Variants in LYPD4 observed in about 807,000 individuals in gnomAD.
The protein encoded by LYPD4 is ly6/PLAUR domain-containing protein 4.
LYPD4 carries 20 observed loss-of-function variants against 18.2 expected under a neutral mutation model. The observed-to-expected ratio is 1.10, with a 90% CI of 0.77 to 1.59. LYPD4 has a LOEUF of 1.59. Among genes scored for constraint, LYPD4 ranks in the 40% most tolerant of loss-of-function variants. The pLI, the probability that LYPD4 is intolerant of heterozygous loss-of-function variation, is 0.00. For missense variants in LYPD4, 278 were observed against 300.3 expected (o/e 0.93, Z 0.55); for synonymous variants, 111 against 118.3 (o/e 0.94, Z 0.40).
chr19:41,838,890 T>G lies in LYPD4; in HGVS notation c.202A>C (p.Ile68Leu). 6.2e-7 allele frequency: 1 copy of G among 1,613,902 alleles called. No homozygotes were observed. The highest frequency in any genetic ancestry group is 8.5e-7 in the Non-Finnish European group (1 of 1,180,008). Residue 68 changes from isoleucine (I) to leucine (L), a missense_variant, in exon 3 of 5, where the codon ATT becomes CTT. Coordinates refer to ENST00000609812, the MANE Select transcript of LYPD4 (RefSeq NM_173506.7). ...ACTTAGACTGCTTCACCTGTCTCAA[T>G]GAACACTAGCGTCTCCTCGCAGCCC... Reference protein sequence around the residue: ...QEGCEETLVFIETGTARGVVG... With the variant: ...QEGCEETLVFLETGTARGVVG...
At chr19:41,842,935 T>C (rs1439342176) in intron 1 of LYPD4, among the ~76,000 whole-genome samples, 1 of 147,934 alleles carries the variant, frequency 6.8e-6, no homozygotes, top group Admixed American at 6.8e-5. Flanking sequence ...TGGTCGTTCA[T>C]GCCTGTGATC....
At chr19:41,841,292 C>T (rs955363189) in intron 1 of LYPD4, among the ~76,000 whole-genome samples, 1 of 150,978 alleles carries the variant, frequency 6.6e-6, no homozygotes, top group Non-Finnish European at 1.5e-5. Context: ...GAGGCTGAGC[C>T]AGGACTGCTC....
chr19:41,835,448 C>T (rs1044029552), downstream of LYPD4: 2 of 152,260 alleles, frequency 1.3e-5, no homozygotes, highest in Non-Finnish European at 2.9e-5. Context: ...TCCTCAACCA[C>T]CTTGGCTAGT....
intron 1 of LYPD4, among the ~76,000 whole-genome samples, chr19:41,842,173 G>A (rs1555833692): frequency 2.6e-5 from 4 of 152,000 alleles, no homozygotes; most frequent in Non-Finnish European, 5.9e-5. Flanking sequence ...CACCCAAATA[G>A]CTGGGACTAC....
At chr19:41,841,896 T>C (rs1338083684) in intron 1 of LYPD4, among the ~76,000 whole-genome samples, 3 of 151,598 alleles carry the variant, frequency 2.0e-5, no homozygotes, top group African/African-American at 7.3e-5. Context: ...AACAAAGGAG[T>C]TGAGAGTTCT....
intron 4 of LYPD4, 106 bp from the exon 5 acceptor site, chr19:41,837,451 C>T (rs1180644735): frequency 6.4e-6 from 8 of 1,246,358 alleles, no homozygotes; most frequent in Admixed American, 5.7e-5. Flanking sequence ...TTTGGGAGGC[C>T]GAGGCAGGTG....
chr19:41,842,446 A>C (rs1349402921), intron 1 of LYPD4, among the ~76,000 whole-genome samples: 1 of 151,950 alleles, frequency 6.6e-6, no homozygotes, highest in Admixed American at 6.6e-5. Flanking sequence ...AGGAGTTGGA[A>C]GAAGTTGATT....
chr19:41,840,503 T>G (rs2073548359), intron 1 of LYPD4, among the ~76,000 whole-genome samples: 1 of 152,224 alleles, frequency 6.6e-6, no homozygotes, highest in South Asian at 2.1e-4. Context: ...TGCAACTTCC[T>G]GTGAGCCAAC....
downstream of LYPD4, among the ~76,000 whole-genome samples, chr19:41,836,475 G>C (rs59187878): frequency 6.6e-6 from 1 of 151,930 alleles, no homozygotes; most frequent in African/African-American, 2.4e-5. Flanking sequence ...TTGCAAAATA[G>C]AGACAAAAGC....
intron 3 of LYPD4, 94 bp from the exon 4 acceptor site, chr19:41,838,355 T>C (rs1555831652): frequency 1.8e-6 from 2 of 1,108,824 alleles, no homozygotes; most frequent in Non-Finnish European, 2.4e-6. Flanking sequence ...CCACCCTGCC[T>C]GTCACAATCT....
At chr19:41,840,889 T>A (rs1464204092) in intron 1 of LYPD4, among the ~76,000 whole-genome samples, 1 of 151,946 alleles carries the variant, frequency 6.6e-6, no homozygotes, top group Non-Finnish European at 1.5e-5. Flanking sequence ...GCTAAAGCAG[T>A]ATTTAGAAGT....
chr19:41,837,714 C>T (rs2073413172), intron 4 of LYPD4, among the ~76,000 whole-genome samples: 1 of 151,718 alleles, frequency 6.6e-6, no homozygotes. Context: ...AAAAAGGCCC[C>T]TGCCTTCTCC....
intron 1 of LYPD4, among the ~76,000 whole-genome samples, chr19:41,843,202 A>G (rs2073703984): frequency 6.6e-6 from 1 of 151,988 alleles, no homozygotes; most frequent in Admixed American, 6.6e-5. Context: ...GAATTGGTGG[A>G]AAATAACAGT....
At chr19:41,841,348 CAA>C (rs146336147) in intron 1 of LYPD4, among the ~76,000 whole-genome samples, 8 of 134,034 alleles carry the variant, frequency 6.0e-5, no homozygotes, top group African/African-American at 5.5e-5. Context: ...TTGTCTATAC[CAA>C]AAAAAAAAAA....
chr19:41,843,255 C>G (rs1471956581), intron 1 of LYPD4, among the ~76,000 whole-genome samples: 1 of 151,594 alleles, frequency 6.6e-6, no homozygotes, highest in Non-Finnish European at 1.5e-5. Context: ...CCTCAGAGAC[C>G]CAGGTTGGAA....
chr19:41,838,381 A>C (rs1406170393), intron 3 of LYPD4, 120 bp from the exon 4 acceptor site: 1 of 808,396 alleles, frequency 1.2e-6, no homozygotes, highest in Non-Finnish European at 1.8e-6. Flanking sequence ...TCCCTCCCCA[A>C]CCCCTGTGTC....
rs575180261 is a variant in LYPD4 at position 41,843,877 on chromosome 19, C to A, written c.-420G>T. ...AAGCTGAGTACAAGTGGAGACGCAA[C>A]CAGAAAAGATTGAAGTGAAATCCTC... On this transcript the variant is annotated 5_prime_UTR_variant, in exon 1 of 5. Coordinates refer to ENST00000609812, the MANE Select transcript of LYPD4 (RefSeq NM_173506.7). The A allele has an allele frequency of 1.3e-3, 152 of 114,804 alleles. No homozygotes were observed. The highest frequency in any genetic ancestry group is 5.4e-3 in the African/African-American group (147 of 27,352). 7.1% of individuals were successfully genotyped at this position (114,804 alleles called of 1,614,324 possible).
At position 41,837,360 on chromosome 19, in the gene LYPD4, G is replaced by C; in HGVS notation, c.539-15C>G. 6.2e-7 allele frequency: 1 copy of C among 1,613,664 alleles called. No individual in the cohort carries two copies. The highest frequency in any genetic ancestry group is 8.5e-7 in the Non-Finnish European group (1 of 1,179,726). ...ATTGAGAAACCCTGTAAGGAAGAGA[G>C]GGAGAAGTCAGGAACACTTTCAAGA... On this transcript the variant is annotated splice_polypyrimidine_tract_variant and intron_variant, in intron 4 of 4. Transcript: ENST00000609812.
intron 3 of LYPD4, 94 bp downstream of exon 3, chr19:41,838,787 T>C: frequency 9.0e-6 from 10 of 1,107,090 alleles, no homozygotes; most frequent in Non-Finnish European, 1.3e-5. Flanking sequence ...AGTAACTATG[T>C]GGAATTCTAA....
Sources: gnomAD v4.1 joint callset for allele counts (sites outside exome capture counted in the v4.1 genomes callset) on GRCh38, gnomAD v4.1.1 for gene constraint, MANE v1.5 for transcripts, NCBI Gene and HGNC (gene_info 2026-07-23, HGNC 2026-07-21) for gene names.